DIXDC1: variants seen among roughly 807,000 people sequenced by gnomAD.
DIXDC1 encodes dixin.
A neutral mutation model predicts 103.1 loss-of-function variants in DIXDC1; 64 were observed. The ratio of observed to expected loss-of-function variants is 0.62; its 90% CI spans 0.51 to 0.76. The LOEUF is 0.76. DIXDC1 is among the 30% of genes least tolerant of loss of function. The pLI, the probability that DIXDC1 is intolerant of heterozygous loss-of-function variation, is 0.00. For synonymous variants in DIXDC1, 266 were observed against 298.5 expected, an observed-to-expected ratio of 0.89 and a Z score of 1.12; for missense variants, 759 against 834.2, an observed-to-expected ratio of 0.91 and a Z score of 1.11.
At chr11:112,007,039 A>G (rs1349964266) in intron 17 of DIXDC1, among the ~76,000 whole-genome samples, 1 of 152,208 alleles carries the variant, frequency 6.6e-6, no homozygotes, top group Non-Finnish European at 1.5e-5. Context: ...AACCCATTGC[A>G]AGGAAGCTAG....
upstream of DIXDC1, chr11:111,937,128 G>GGGGA: frequency 1.5e-6 from 1 of 684,142 alleles, no homozygotes; most frequent in Non-Finnish European, 1.7e-6. Flanking sequence ...GCTGCGGCCC[G>GGGGA]GGCGGGGGGG....
Position 112,009,088 on chromosome 11 carries a change from G to C in DIXDC1, c.1757-7603G>C, listed in dbSNP as rs587758676. Among the ~76,000 whole-genome samples the C allele has an allele frequency of 2.0e-5, 3 of 151,958 alleles. No individual in the cohort carries two copies. The East Asian group carries it at 5.8e-4, about 29-fold the overall frequency. ...GACTAATAAAGAAGAAAAGAGAGAG[G>C]CATCAAATTGACACAATAAAAAATG... is the stretch of plus-strand genomic sequence containing the variant. On this transcript the variant is annotated intron_variant, in intron 17 of 19. Transcript: ENST00000440460.
At position 111,996,082 on chromosome 11, in the gene DIXDC1, T is replaced by A. The variant is rs1350958940; in HGVS notation, c.1692T>A (p.Val564=). The A allele has an allele frequency of 2.5e-6, 4 of 1,613,550 alleles. No homozygotes were observed. In the African/African-American group the frequency reaches 5.3e-5, roughly 22 times the overall value. ...METQKKQERK[V]RVKSPRTQVG... ...GTGATTTTTGTGTGGCTCCCCAGGT[T>A]CGGGTCAAGTCACCCAGAACTCAAG... The change falls in exon 17 of 20, where the codon GTT becomes GTA. Residue 564 remains valine (V), a splice_region_variant and synonymous_variant. Transcript: ENST00000440460.
chr11:111,994,971 GT>G (rs782309731), intron 14 of DIXDC1, 47 bp from the exon 15 acceptor site: 2 of 1,554,480 alleles, frequency 1.3e-6, no homozygotes, highest in Non-Finnish European at 1.8e-6. Context: ...AGCACATCTG[GT>G]TTACAATTCT....
chr11:111,962,671 A>T (rs57670105), intron 1 of DIXDC1, among the ~76,000 whole-genome samples: 5,161 of 152,230 alleles, frequency 0.034, 318 homozygotes, highest in African/African-American at 0.12. Flanking sequence ...ATCTTTGAGG[A>T]TAATTGGAGA....
intron 18 of DIXDC1, 35 bp downstream of exon 18, chr11:112,016,831 G>A: frequency 6.5e-7 from 1 of 1,539,722 alleles, no homozygotes; most frequent in Middle Eastern, 1.7e-4. Context: ...TCACTGTAAA[G>A]AAGGAAAGGA....
At position 111,992,485 on chromosome 11, in the gene DIXDC1, C is replaced by A; in HGVS notation, c.1184C>A (p.Ala395Glu). 1 of 1,573,594 alleles carries A rather than the reference C, an allele frequency of 6.4e-7. No individual in the cohort carries two copies. The highest frequency in any genetic ancestry group is 2.3e-5 in the East Asian group (1 of 43,004). The stretch of plus-strand genomic sequence containing the variant: ...CAGCTCAAACAAGAGCTACTGAGGG[C>A]AAATATGGACAAAGATGAGCTGCAC... ...VLQLKQELLR[A>E]NMDKDELHNQ... Residue 395 changes from alanine to glutamate, a missense_variant, in exon 11 of 20, where the codon GCA becomes GAA. This residue lies in a region of DIXDC1 where 657 missense variants were observed against 727.5 expected (regional missense o/e 0.90). Transcript: ENST00000440460.
At chr11:111,952,626 G>A (rs1222632594) in intron 1 of DIXDC1, among the ~76,000 whole-genome samples, 4 of 152,042 alleles carry the variant, frequency 2.6e-5, no homozygotes, top group African/African-American at 9.7e-5. Flanking sequence ...TTCGAGACCA[G>A]CCTGACCAAC....
chr11:111,968,536 C>G lies in DIXDC1; in HGVS notation c.214C>G (p.Gln72Glu). 1 of 1,613,082 alleles carries G rather than the reference C, an allele frequency of 6.2e-7. No homozygotes were observed. The part of the protein sequence containing the change: ...IVAGEKLSGV[Q>E]LSPGNQQEMK... ...AGCAGGAGAAAAGCTGAGTGGGGTA[C>G]AGCTGAGTCCCGGTAACCAACAGGA... Residue 72 changes from glutamine (Q) to glutamate (E), a missense_variant, in exon 3 of 20, where the codon CAG becomes GAG. By Grantham distance (29) the Gln-to-Glu change is conservative (BLOSUM62 2). Coordinates refer to ENST00000440460, the MANE Select transcript of DIXDC1 (RefSeq NM_001037954.4).
chr11:111,929,584 A>C (rs1965947234), intron 1 of DIXDC1, among the ~76,000 whole-genome samples: 1 of 125,270 alleles, frequency 8.0e-6, no homozygotes, highest in African/African-American at 3.0e-5. Flanking sequence ...CCTTATCTCT[A>C]AAAAAAAAAA....
intron 2 of DIXDC1, among the ~76,000 whole-genome samples, chr11:111,966,397 A>AAT (rs1406243811): frequency 0.029 from 1,677 of 58,790 alleles, 115 homozygotes; most frequent in African/African-American, 0.1. Flanking sequence ...TAATTTTTGT[A>AAT]TTTTTTTTTT....
At chr11:112,003,779 CAA>C (rs1263744066) in intron 17 of DIXDC1, among the ~76,000 whole-genome samples, 3 of 151,338 alleles carry the variant, frequency 2.0e-5, no homozygotes, top group African/African-American at 7.3e-5. Flanking sequence ...GCCTGGGAAA[CAA>C]GAGTGAAGCT....
intron 14 of DIXDC1, 134 bp downstream of exon 14, chr11:111,993,874 G>A (rs1009662255): frequency 2.6e-5 from 26 of 996,308 alleles, no homozygotes; most frequent in Non-Finnish European, 3.4e-5. Flanking sequence ...AAAAGTGCAG[G>A]TTCCAGAATA....
intron 3 of DIXDC1, among the ~76,000 whole-genome samples, chr11:111,973,289 T>C (rs1859995438): frequency 6.6e-6 from 1 of 151,870 alleles, no homozygotes. Flanking sequence ...GGAGAATTGC[T>C]TGAACCTGGG....
chr11:111,982,648 T>G (rs1427019380), intron 7 of DIXDC1, among the ~76,000 whole-genome samples, 161 bp downstream of exon 7: 1 of 152,222 alleles, frequency 6.6e-6, no homozygotes, highest in African/African-American at 2.4e-5. Context: ...TTCCTTATAT[T>G]TGAATACTTT....
chr11:112,018,991 A>T lies in DIXDC1; in HGVS notation c.2007A>T (p.Glu669Asp). Residue 669 changes from glutamate (E) to aspartate (D), a missense_variant, in exon 20 of 20, where the codon GAA becomes GAT. Physicochemically the swap from Glu to Asp is conservative, Grantham distance 45. This residue lies in a region of DIXDC1 where 657 missense variants were observed against 727.5 expected (regional missense o/e 0.90). Coordinates refer to ENST00000440460, the MANE Select transcript of DIXDC1 (RefSeq NM_001037954.4). ...FHDDDAIPGW[E>D]GKIVAWVEED... ...ATGATGATGCCATCCCTGGATGGGA[A>T]GGGAAAATTGTAGCTTGGGTGGAAG... The T allele has an allele frequency of 6.2e-7, 1 of 1,613,580 alleles. No individual in the cohort carries two copies. The highest frequency in any genetic ancestry group is 8.5e-7 in the Non-Finnish European group (1 of 1,179,638).
In DIXDC1 at chr11:112,003,537, G is replaced by A. The variant is rs587675071; in HGVS notation, c.1756+7391G>A. Among the ~76,000 whole-genome samples, 10 of 152,252 alleles carry A rather than the reference G, an allele frequency of 6.6e-5. No individual in the cohort carries two copies. In the East Asian group the frequency reaches 9.7e-4, roughly 15 times the overall value. ...ATGTAGGACAGGCGCAGTGGCTCAC[G>A]TCTGAAATCCCAGCATGTTGGGAGG... On this transcript the variant is annotated intron_variant, in intron 17 of 19. Coordinates refer to ENST00000440460, the MANE Select transcript of DIXDC1 (RefSeq NM_001037954.4).
Position 111,986,796 on chromosome 11 carries a change from T to A in DIXDC1, c.1009-75T>A. ...AGAGCTGGCATCTAGTAGTGCTCAA[T>A]AAATATTTGTTGAATGAGTGGCTCT... On this transcript the variant is annotated intron_variant, in intron 8 of 19. Transcript: ENST00000440460. 8 of 1,367,222 alleles carry A rather than the reference T, an allele frequency of 5.9e-6. No homozygotes were observed. The South Asian group carries it at 8.9e-5, about 15-fold the overall frequency. 84.7% of individuals were successfully genotyped at this position (1,367,222 alleles called of 1,614,324 possible).
intron 17 of DIXDC1, 133 bp downstream of exon 17, chr11:111,996,279 A>G: frequency 2.7e-6 from 2 of 743,446 alleles, no homozygotes; most frequent in Middle Eastern, 4.0e-4. Flanking sequence ...TTCTGTAGCA[A>G]TACTGCAATT....
Sources: gnomAD v4.1 joint callset for allele counts (sites outside exome capture counted in the v4.1 genomes callset) on GRCh38, gnomAD v4.1.1 for gene constraint, gnomAD v4.1.1 regional missense constraint, MANE v1.5 for transcripts, NCBI Gene and HGNC (gene_info 2026-07-23, HGNC 2026-07-21) for gene names.